Variants in ADCY7 observed in about 807,000 individuals in gnomAD.
ADCY7 encodes adenylate cyclase 7, also known as adenylate cyclase type 7.
ADCY7 carries 72 observed loss-of-function variants against 120.6 expected under a neutral mutation model. The observed-to-expected ratio is 0.60, with a 90% confidence interval of 0.49 to 0.73. ADCY7 has a LOEUF of 0.73. Ranked by LOEUF, ADCY7 falls within the 30% of genes least tolerant of loss-of-function variation. The pLI is 0.00. For missense variants in ADCY7, 1,227 were observed against 1,486.0 expected (o/e 0.83, Z 2.87); for synonymous variants, 661 against 628.0 (o/e 1.05, Z -0.78).
chr16:50,301,413 T>C (rs1433565804), intron 10 of ADCY7, among the ~76,000 whole-genome samples, 199 bp downstream of exon 10: 1 of 152,190 alleles, frequency 6.6e-6, no homozygotes, highest in Non-Finnish European at 1.5e-5. Flanking sequence ...CATTCTTTTC[T>C]ATGTGATGGG....
At chr16:50,313,855 C>A in intron 22 of ADCY7, 103 bp from the exon 23 acceptor site, 1 of 869,102 alleles carries the variant, frequency 1.2e-6, no homozygotes, top group African/African-American at 1.7e-5. Flanking sequence ...GTGCGAGAGG[C>A]GGCGATGGGT....
At chr16:50,310,593 G>C (rs2036391827) in intron 18 of ADCY7, 94 bp from the exon 19 acceptor site, 3 of 1,594,304 alleles carry the variant, frequency 1.9e-6, no homozygotes, top group Non-Finnish European at 2.6e-6. Flanking sequence ...GTGATGCTGA[G>C]GTGCAGGGAG....
In ADCY7 at chr16:50,301,101, G is replaced by T. The variant is rs202017628; in HGVS notation, c.1255G>T (p.Ala419Ser). 6.2e-7 allele frequency: 1 copy of T among 1,613,920 alleles called. No individual in the cohort carries two copies. Among genetic ancestry groups the T allele is most frequent in the Non-Finnish European group, 8.5e-7 (1 of 1,179,934 alleles). ...GVPGRVHITE[A>S]TLKHLDKAYE... ...CCGTAGCCGGGTGCACATCACGGAGGCCACGCTAAAGCACCTGGACAAGGC... is the reference window on the plus strand; with the variant it reads ...CCGTAGCCGGGTGCACATCACGGAGTCCACGCTAAAGCACCTGGACAAGGC... The change falls in exon 10 of 26, where the codon GCC (alanine) becomes TCC (serine). Residue 419 changes from alanine (A) to serine (S), a missense_variant. Coordinates refer to ENST00000673801, the MANE Select transcript of ADCY7 (RefSeq NM_001114.5).
chr16:50,282,540 G>C (rs1390607802), intron 1 of ADCY7, among the ~76,000 whole-genome samples: 3 of 152,188 alleles, frequency 2.0e-5, no homozygotes, highest in Admixed American at 1.3e-4. Context: ...GCTCCTGCAA[G>C]GCAGAGGGAA....
intron 1 of ADCY7, among the ~76,000 whole-genome samples, chr16:50,280,282 C>T (rs2034169484): frequency 6.6e-6 from 1 of 150,680 alleles, no homozygotes; most frequent in African/African-American, 2.4e-5. Flanking sequence ...TCATTAGTAA[C>T]ATTCCTGTAG....
At chr16:50,250,484 A>AAATGCAG (rs1015542531) in intron 1 of ADCY7, among the ~76,000 whole-genome samples, 6 of 151,476 alleles carry the variant, frequency 4.0e-5, no homozygotes, top group African/African-American at 1.5e-4. Context: ...AAAAAACCTA[A>AAATGCAG]AATGCAGTAT....
chr16:50,248,963 G>T (rs1405169366), intron 1 of ADCY7, among the ~76,000 whole-genome samples: 1 of 152,176 alleles, frequency 6.6e-6, no homozygotes, highest in Non-Finnish European at 1.5e-5. Context: ...GGCTCATGGC[G>T]GTTGGGAAGC....
In ADCY7 at chr16:50,315,124, C is replaced by G. The variant is rs776658550; in HGVS notation, c.3082C>G (p.Leu1028Val). Reference protein sequence around the residue: ...VASRMESTGELGKIQVTEETC... With the variant: ...VASRMESTGEVGKIQVTEETC... ...CAGCCGAATGGAAAGCACTGGAGAA[C>G]TTGGGAAAATCCAGGTAAAGACCTA... is the stretch of plus-strand genomic sequence containing the variant. The change falls in exon 25 of 26, where the codon CTT becomes GTT. Residue 1028 changes from leucine to valine, a missense_variant. By Grantham distance (32) the Leu-to-Val change is conservative. Coordinates refer to ENST00000673801, the MANE Select transcript of ADCY7 (RefSeq NM_001114.5). 1 of 1,614,108 alleles carries G rather than the reference C, an allele frequency of 6.2e-7. No homozygotes were observed. The highest frequency in any genetic ancestry group is 1.7e-5 in the Admixed American group (1 of 59,998).
In ADCY7 at chr16:50,307,062, C is replaced by A. The variant is rs779130883; in HGVS notation, c.1765C>A (p.Pro589Thr). 1.2e-6 allele frequency: 2 copies of A among 1,608,208 alleles called. No homozygotes were observed. Among genetic ancestry groups the A allele is most frequent in the Admixed American group, 3.3e-5 (2 of 59,968 alleles). Residue 589 changes from proline to threonine, a missense_variant, in exon 15 of 26, where the codon CCC (proline) becomes ACC (threonine). Transcript: ENST00000673801. ...KGFEREYRLA[P>T]IPRARHDFAC... The stretch of plus-strand genomic sequence containing the variant: ...CTGCTGCCCCCAGTACCGCCTGGCA[C>A]CCATCCCCCGGGCCCGCCACGACTT...
At chr16:50,254,617 A>G (rs1269446350) in intron 1 of ADCY7, among the ~76,000 whole-genome samples, 1 of 152,258 alleles carries the variant, frequency 6.6e-6, no homozygotes, top group East Asian at 1.9e-4. Flanking sequence ...GAACCAAGAA[A>G]TGGAACAAGA....
At chr16:50,264,831 G>T (rs1476615487), upstream of ADCY7, among the ~76,000 whole-genome samples, 1 of 141,644 alleles carries the variant, frequency 7.1e-6, no homozygotes, top group Non-Finnish European at 1.5e-5. Context: ...TTTGTGGGAG[G>T]TCTTTTTTTT....
chr16:50,301,366 C>A lies in ADCY7; in HGVS notation c.1368+152C>A, dbSNP rs1251489339. On this transcript the variant is annotated intron_variant, in intron 10 of 25. Coordinates refer to ENST00000673801, the MANE Select transcript of ADCY7 (RefSeq NM_001114.5). ...CAGGAGTGAGCTCCCTGTTCCCAGG[C>A]ACATTCTAGGCACCGAGTAGCCACT... 7.4e-6 allele frequency: 8 copies of A among 1,075,460 alleles called. No homozygotes were observed. In the East Asian group the frequency reaches 2.1e-4, roughly 28 times the overall value. 66.6% of individuals were successfully genotyped at this position (1,075,460 alleles called of 1,614,324 possible). A position where few individuals can be genotyped will look rare whatever the true frequency, so the allele number is the denominator to read the frequency against.
rs758149111 is a variant in ADCY7, at chr16:50,315,504, G to A, written c.3242G>A (p.Ter1081=). The part of the protein sequence containing the change: ...TAKFQGLGLN[*] ...AAGTTTCAGGGGCTGGGGCTGAACT[G>A]AGGGCTCCTGCTGGATTCCGAAAAG... The change falls in exon 26 of 26, where the codon TGA becomes TAA. Residue 1081 remains the stop codon, a stop_retained_variant. Transcript: ENST00000673801. The A allele has an allele frequency of 9.3e-6, 15 of 1,606,658 alleles. No individual in the cohort carries two copies. The highest frequency in any genetic ancestry group is 1.7e-4 in the Middle Eastern group (1 of 6,060).
Position 50,307,079 on chromosome 16 carries a change from C to T in ADCY7, c.1782C>T (p.Arg594=), listed in dbSNP as rs1336919958. ...GCCTGGCACCCATCCCCCGGGCCCG[C>T]CACGACTTTGCCTGCGCCAGCCTGA... is the stretch of plus-strand genomic sequence containing the variant. The part of the protein sequence containing the change: ...EYRLAPIPRA[R]HDFACASLIF... Residue 594 remains arginine (R), a synonymous_variant, in exon 15 of 26, where the codon CGC becomes CGT. Coordinates refer to ENST00000673801, the MANE Select transcript of ADCY7 (RefSeq NM_001114.5). The T allele has an allele frequency of 6.2e-7, 1 of 1,611,040 alleles. No individual in the cohort carries two copies. The highest frequency in any genetic ancestry group is 8.5e-7 in the Non-Finnish European group (1 of 1,179,988).
chr16:50,283,518 C>T (rs2034403033), intron 1 of ADCY7, among the ~76,000 whole-genome samples: 1 of 152,242 alleles, frequency 6.6e-6, no homozygotes. Context: ...TGCTGATTGG[C>T]CACACTGGGG....
At chr16:50,270,296 C>T (rs2033479316) in intron 1 of ADCY7, among the ~76,000 whole-genome samples, 1 of 152,208 alleles carries the variant, frequency 6.6e-6, no homozygotes, top group Non-Finnish European at 1.5e-5. Flanking sequence ...GAGACCACAT[C>T]TGAACACCAG....
Position 50,308,345 on chromosome 16 carries a change from G to T in ADCY7, c.1869G>T (p.Val623=). 1 of 1,614,182 alleles carries T rather than the reference G, an allele frequency of 6.2e-7. No individual in the cohort carries two copies. Among genetic ancestry groups the T allele is most frequent in the Non-Finnish European group, 8.5e-7 (1 of 1,180,022 alleles). Residue 623 remains valine (V), a synonymous_variant, in exon 16 of 26, where the codon GTG becomes GTT. Coordinates refer to ENST00000673801, the MANE Select transcript of ADCY7 (RefSeq NM_001114.5). ...LLMPRTAALG[V]SFGLVACVLG... ...TCTCCAGGACGGCGGCACTGGGTGT[G>T]TCCTTCGGGCTGGTGGCCTGTGTAC...
chr16:50,291,989 G>A, intron 4 of ADCY7, 92 bp downstream of exon 4: 1 of 1,397,962 alleles, frequency 7.2e-7, no homozygotes, highest in Non-Finnish European at 9.6e-7. Flanking sequence ...CAGACCCGAA[G>A]GCCCCGGAGC....
In ADCY7 at chr16:50,304,927, C is replaced by T. The variant is rs746293201; in HGVS notation, c.1563C>T (p.Ser521=). 2.5e-5 allele frequency: 41 copies of T among 1,613,444 alleles called. No individual in the cohort carries two copies. Among genetic ancestry groups the T allele is most frequent in the East Asian group, 1.8e-4 (8 of 44,884 alleles). The part of the protein sequence containing the change: ...THVPNGRRPK[S]VPQRHRRTPD... ...TCCTTTCCTCCCTTCCCTTTCAGAG[C>T]GTTCCCCAGCGCCACCGCCGGACCC... The change falls in exon 12 of 26, where the codon AGC becomes AGT. Residue 521 remains serine, a splice_region_variant and synonymous_variant. Transcript: ENST00000673801.
Sources: allele counts gnomAD v4.1 joint callset (sites outside exome capture counted in the v4.1 genomes callset), GRCh38; gene constraint gnomAD v4.1.1; transcripts MANE v1.5; gene names NCBI Gene and HGNC (gene_info 2026-07-23, HGNC 2026-07-21).